Variants in JPH3 observed in about 807,000 individuals in gnomAD.
JPH3 encodes the protein junctophilin-3.
A neutral mutation model predicts 59.6 loss-of-function variants in JPH3; 11 were observed. The observed-to-expected ratio is 0.18, with a 90% confidence interval of 0.12 to 0.31. JPH3 has a LOEUF of 0.31. JPH3 is among the 10% of genes least tolerant of loss of function. The pLI is 1.00. For synonymous variants in JPH3, 673 were observed against 483.6 expected (o/e 1.39, Z -5.14); for missense variants, 1,202 against 1,105.7 (o/e 1.09, Z -1.24).
intron 1 of JPH3, among the ~76,000 whole-genome samples, chr16:87,633,117 C>T (rs988713560): frequency 1.3e-5 from 2 of 152,120 alleles, no homozygotes; most frequent in Non-Finnish European, 2.9e-5. Flanking sequence ...TCACAAAATA[C>T]CACAGACAGC....
chr16:87,654,058 C>A (rs1268636663), intron 2 of JPH3: 1 of 152,310 alleles, frequency 6.6e-6, no homozygotes, highest in African/African-American at 2.4e-5. Context: ...GGACGTGCGG[C>A]CCTCATGGAG....
At chr16:87,624,366 T>C (rs1207011392) in intron 1 of JPH3, among the ~76,000 whole-genome samples, 1 of 152,170 alleles carries the variant, frequency 6.6e-6, no homozygotes, top group African/African-American at 2.4e-5. Context: ...TTTCTGTCTT[T>C]GTGGGTTTGC....
chr16:87,606,091 G>A (rs570412821), intron 1 of JPH3, among the ~76,000 whole-genome samples: 1 of 152,348 alleles, frequency 6.6e-6, no homozygotes, highest in Middle Eastern at 3.4e-3. Context: ...GCCCATGGAA[G>A]GAGCCTGCAG....
chr16:87,644,614 G>A lies in JPH3; in HGVS notation c.739G>A (p.Glu247Lys), dbSNP rs150019020. The change falls in exon 2 of 5, where the codon GAG (glutamate) becomes AAG (lysine). Residue 247 changes from glutamate (E) to lysine (K), a missense_variant. Transcript: ENST00000284262. ...QRSKQSSFRS[E>K]AGMSTVSSTA... Reference sequence around the variant, plus strand: ...CAGCAAGCAGAGCTCCTTTCGCAGCGAGGCGGGCATGAGCACCGTCAGCTC... The same window carrying A: ...CAGCAAGCAGAGCTCCTTTCGCAGCAAGGCGGGCATGAGCACCGTCAGCTC... 7 of 1,612,514 alleles carry A rather than the reference G, an allele frequency of 4.3e-6. No individual in the cohort carries two copies. Among genetic ancestry groups the A allele is most frequent in the Non-Finnish European group, 5.1e-6 (6 of 1,179,900 alleles).
intron 2 of JPH3, among the ~76,000 whole-genome samples, chr16:87,683,169 C>T (rs545944303): frequency 5.9e-5 from 9 of 152,368 alleles, no homozygotes; most frequent in East Asian, 1.9e-4. Flanking sequence ...GAGGTGGTCC[C>T]GCAACCCACA....
intron 2 of JPH3, among the ~76,000 whole-genome samples, chr16:87,667,351 T>G (rs757952967): frequency 6.6e-6 from 1 of 152,250 alleles, no homozygotes; most frequent in Non-Finnish European, 1.5e-5. Context: ...CCTACCTTGT[T>G]AGGGGCCACC....
chr16:87,603,106 C>T lies in JPH3; in HGVS notation c.-41C>T. ...ACTCTGCTGTGTCGATCGCCTGAGT[C>T]CGTTTTCACCGTTTGCGGGATCTGG... is the stretch of plus-strand genomic sequence containing the variant. On this transcript the variant is annotated 5_prime_UTR_variant, in exon 1 of 5. Transcript: ENST00000284262. 1 of 1,613,244 alleles carries T rather than the reference C, an allele frequency of 6.2e-7. No individual in the cohort carries two copies. The highest frequency in any genetic ancestry group is 8.5e-7 in the Non-Finnish European group (1 of 1,179,672).
intron 2 of JPH3, among the ~76,000 whole-genome samples, chr16:87,648,711 G>C (rs1265649228): frequency 1.3e-5 from 2 of 152,278 alleles, no homozygotes; most frequent in African/African-American, 2.4e-5. Flanking sequence ...GTCACCATGG[G>C]TTCTAAGGCA....
intron 1 of JPH3, among the ~76,000 whole-genome samples, chr16:87,622,528 G>A (rs994457203): frequency 2.0e-5 from 3 of 152,238 alleles, no homozygotes; most frequent in Non-Finnish European, 4.4e-5. Flanking sequence ...GGCAGGGCCG[G>A]GAAGTAGAGC....
intron 2 of JPH3, among the ~76,000 whole-genome samples, chr16:87,676,500 C>G (rs1046445490): frequency 1.3e-5 from 2 of 152,138 alleles, no homozygotes; most frequent in African/African-American, 2.4e-5. Flanking sequence ...CCTTGGGAGG[C>G]AGACGCAGGT....
intron 2 of JPH3, among the ~76,000 whole-genome samples, chr16:87,653,376 C>T (rs1321973427): frequency 6.6e-6 from 1 of 152,096 alleles, no homozygotes; most frequent in East Asian, 1.9e-4. Context: ...CAGGGTTCTC[C>T]AGTGAGTGAG....
At chr16:87,632,850 G>GC (rs1275113373) in intron 1 of JPH3, among the ~76,000 whole-genome samples, 3 of 151,510 alleles carry the variant, frequency 2.0e-5, no homozygotes. Context: ...CTGAGATCAT[G>GC]CCACTGCACT....
chr16:87,678,040 C>G (rs1486472103), intron 2 of JPH3, among the ~76,000 whole-genome samples: 1 of 151,580 alleles, frequency 6.6e-6, no homozygotes, highest in Non-Finnish European at 1.5e-5. Context: ...ATGCTTGAGG[C>G]CATGAGTTCG....
At chr16:87,642,720 T>C (rs1312175809) in intron 1 of JPH3, among the ~76,000 whole-genome samples, 3 of 152,194 alleles carry the variant, frequency 2.0e-5, no homozygotes, top group Admixed American at 2.0e-4. Context: ...TTGGGCGTCG[T>C]GCTGAGGCCC....
At chr16:87,605,143 C>T (rs998449418) in intron 1 of JPH3, among the ~76,000 whole-genome samples, 4 of 152,158 alleles carry the variant, frequency 2.6e-5, no homozygotes, top group African/African-American at 9.7e-5. Context: ...ACCTGTCCTC[C>T]AGAGGTGCTC....
At chr16:87,643,813 G>A (rs563760764) in intron 1 of JPH3, among the ~76,000 whole-genome samples, 1 of 152,084 alleles carries the variant, frequency 6.6e-6, no homozygotes, top group South Asian at 2.1e-4. Flanking sequence ...ACCATGGTCT[G>A]TCTGCCTCCA....
chr16:87,689,126 C>T (rs564677349), intron 3 of JPH3, among the ~76,000 whole-genome samples: 9 of 152,252 alleles, frequency 5.9e-5, no homozygotes, highest in African/African-American at 9.6e-5. Flanking sequence ...GGAGGGAAGT[C>T]GGCTCCTGGG....
chr16:87,607,446 C>T (rs561503786), intron 1 of JPH3, among the ~76,000 whole-genome samples: 3 of 152,346 alleles, frequency 2.0e-5, no homozygotes, highest in South Asian at 2.1e-4. Context: ...CAGGCGCCTG[C>T]GCACACACAC....
intron 2 of JPH3, chr16:87,654,329 T>C (rs2032421856): frequency 6.6e-6 from 1 of 152,124 alleles, no homozygotes. Flanking sequence ...TCCCCCTTTA[T>C]GTGGGCATTT....
Sources: allele counts gnomAD v4.1 joint callset (sites outside exome capture counted in the v4.1 genomes callset), GRCh38; gene constraint gnomAD v4.1.1; transcripts MANE v1.5; gene names NCBI Gene and HGNC (gene_info 2026-07-23, HGNC 2026-07-21).